Variants in WASHC2A observed in about 807,000 individuals in gnomAD.
WASHC2A encodes the protein WASH complex subunit 2A.
In WASHC2A, 82 loss-of-function variants were observed where a neutral mutation model predicts 140.3. The ratio of observed to expected loss-of-function variants is 0.58; its 90% CI spans 0.49 to 0.70. The LOEUF (loss-of-function observed/expected upper bound fraction) is 0.70, where lower values mean the gene tolerates loss of function less well. WASHC2A is among the 30% of genes least tolerant of loss of function. The probability of loss-of-function intolerance (pLI) is 0.00; values close to 1 mark genes in which losing one functional copy is unlikely to be tolerated. For missense variants in WASHC2A, 985 were observed against 1,521.8 expected (o/e 0.65, Z 5.87); for synonymous variants, 340 against 560.8 (o/e 0.61, Z 5.56).
intron 3 of WASHC2A, among the ~76,000 whole-genome samples, chr10:50,073,178 A>G (rs1288295308): frequency 1.3e-5 from 2 of 152,184 alleles, no homozygotes; most frequent in Admixed American, 6.5e-5. Flanking sequence ...TGGATCCTGA[A>G]ATAGCAAGTG....
intron 25 of WASHC2A, 116 bp downstream of exon 25, chr10:50,125,565 A>G: frequency 3.7e-6 from 6 of 1,603,000 alleles, no homozygotes; most frequent in Non-Finnish European, 5.1e-6. Context: ...CTTCCTACTA[A>G]ATGAATGGCA....
In WASHC2A at chr10:50,127,298, G is replaced by C. The variant is rs1392369028; in HGVS notation, c.2874+76G>C. The C allele has an allele frequency of 8.7e-6, 14 of 1,611,074 alleles. No homozygotes were observed. The African/African-American group carries it at 1.2e-4, about 14-fold the overall frequency. ...TTTTTTGGGTTTCCTACTTTTGTCA[G>C]CTGCTGCCAAGCATCTTCTCATCTC... On this transcript the variant is annotated intron_variant, in intron 27 of 30. Transcript: ENST00000282633.
At chr10:50,083,548 T>C (rs1839097266) in intron 5 of WASHC2A, among the ~76,000 whole-genome samples, 1 of 119,250 alleles carries the variant, frequency 8.4e-6, no homozygotes, top group Non-Finnish European at 1.7e-5. Context: ...AGCTTTACTT[T>C]GGTATCTTTT....
At chr10:50,109,672 T>G (rs1842100291) in intron 19 of WASHC2A, among the ~76,000 whole-genome samples, 2 of 152,218 alleles carry the variant, frequency 1.3e-5, no homozygotes, top group Non-Finnish European at 2.9e-5. Flanking sequence ...TCTTCAAGAC[T>G]GATGCACTAA....
chr10:50,088,956 TCC>T (rs1839627177), intron 8 of WASHC2A, among the ~76,000 whole-genome samples: 1 of 95,606 alleles, frequency 1.0e-5, no homozygotes, highest in Non-Finnish European at 2.3e-5. Flanking sequence ...AGTTTTTCTT[TCC>T]TTTTTTTTTT....
chr10:50,092,793 G>A (rs1481491839), intron 11 of WASHC2A, among the ~76,000 whole-genome samples: 4 of 152,064 alleles, frequency 2.6e-5, no homozygotes, highest in Non-Finnish European at 4.4e-5. Context: ...ATTCTTAGAA[G>A]TATAGAAACT....
intron 17 of WASHC2A, among the ~76,000 whole-genome samples, chr10:50,100,298 A>G (rs1231451132): frequency 3.9e-5 from 6 of 151,976 alleles, no homozygotes; most frequent in African/African-American, 1.4e-4. Flanking sequence ...GCTGGCCAAC[A>G]TGATGAAACC....
chr10:50,129,569 C>T lies in WASHC2A; in HGVS notation c.3238C>T (p.Arg1080Trp), dbSNP rs953564998. The change falls in exon 29 of 31, where the codon CGG (arginine) becomes TGG (tryptophan). Residue 1080 changes from arginine (R) to tryptophan (W), a missense_variant. Arg to Trp is a moderately radical substitution (Grantham distance 101, BLOSUM62 -3). Coordinates refer to ENST00000282633, the MANE Select transcript of WASHC2A (RefSeq NM_001005751.3). ...TGGCGCCATTTCCCCAAATGGCCAT[C>T]GGCCACAGCTCAGAGCAGCCAGTGG... ...ADGAISPNGH[R>W]PQLRAASGED... The T allele has an allele frequency of 1.2e-5, 20 of 1,611,856 alleles. No individual in the cohort carries two copies. Among genetic ancestry groups the T allele is most frequent in the African/African-American group, 9.4e-5 (7 of 74,842 alleles).
At chr10:50,110,321 A>T (rs1301918270) in intron 20 of WASHC2A, 51 bp downstream of exon 20, 5 of 1,606,042 alleles carry the variant, frequency 3.1e-6, no homozygotes, top group Non-Finnish European at 4.3e-6. Flanking sequence ...TGGTAACAAG[A>T]AAAGGAATCT....
Position 50,093,952 on chromosome 10 carries a change from C to T in WASHC2A, c.1180+35C>T, listed in dbSNP as rs556658893. ...GGCTGGGCAGCTGCGTCTCCGTGTG[C>T]AGAGTTCCAAAACTGTCTTTCTCAC... On this transcript the variant is annotated intron_variant, in intron 13 of 30. Transcript: ENST00000282633. 6.5e-5 allele frequency: 99 copies of T among 1,515,918 alleles called. No individual in the cohort carries two copies. In the South Asian group the frequency reaches 1.1e-3, roughly 17 times the overall value. The allele number at this position is 1,515,918 out of a possible 1,614,324, so 93.9% of individuals were successfully genotyped here. A position where few individuals can be genotyped will look rare whatever the true frequency, so the allele number is the denominator to read the frequency against.
chr10:50,124,926 C>T (rs200859624), intron 23 of WASHC2A, among the ~76,000 whole-genome samples, 187 bp from the exon 24 acceptor site: 46,434 of 148,444 alleles, frequency 0.31, 8,334 homozygotes, highest in Non-Finnish European at 0.41. Flanking sequence ...TTTTTGGAAG[C>T]GCCATAGCAT....
chr10:50,125,947 T>G (rs1843390468), intron 25 of WASHC2A, 110 bp from the exon 26 acceptor site: 3 of 1,385,782 alleles, frequency 2.2e-6, no homozygotes, highest in Non-Finnish European at 9.9e-7. Flanking sequence ...AGCCCTCATT[T>G]GAGAAAGTAT....
intron 23 of WASHC2A, among the ~76,000 whole-genome samples, chr10:50,120,584 C>T (rs1384758039): frequency 1.8e-5 from 2 of 108,268 alleles, no homozygotes; most frequent in Non-Finnish European, 3.6e-5. Context: ...CGCACCACTG[C>T]ACTCCAGTGT....
chr10:50,071,597 G>A lies in WASHC2A; in HGVS notation c.291+1886G>A, dbSNP rs541629173. ...TGGGATTACAGGCCTGAGCCACGGC[G>A]CCCGGCAAGGGAAGTTTACTTTGTA... On this transcript the variant is annotated intron_variant, in intron 3 of 30. Transcript: ENST00000282633. Among the ~76,000 whole-genome samples the A allele has an allele frequency of 6.7e-4, 102 of 151,140 alleles. 1 individual carries two copies. The highest frequency in any genetic ancestry group is 2.4e-3 in the African/African-American group (98 of 40,904).
At chr10:50,074,926 T>TA (rs1554877313) in intron 3 of WASHC2A, among the ~76,000 whole-genome samples, 8 of 150,408 alleles carry the variant, frequency 5.3e-5, no homozygotes, top group Non-Finnish European at 7.4e-5. Flanking sequence ...AAAAAAATAA[T>TA]AATAAATAAA....
At chr10:50,101,263 C>G (rs1240930842) in intron 17 of WASHC2A, among the ~76,000 whole-genome samples, 2 of 152,310 alleles carry the variant, frequency 1.3e-5, no homozygotes, top group African/African-American at 4.8e-5. Context: ...ATGTGTCACC[C>G]ACACCTGCAC....
chr10:50,078,446 A>G (rs1234470191), intron 3 of WASHC2A, among the ~76,000 whole-genome samples: 9 of 152,000 alleles, frequency 5.9e-5, no homozygotes, highest in Middle Eastern at 3.4e-3. Flanking sequence ...CATGTTTCCT[A>G]GTCATTTGTA....
Position 50,131,098 on chromosome 10 carries a change from T to G in WASHC2A, c.3886+20T>G. 1.2e-5 allele frequency: 19 copies of G among 1,611,998 alleles called. 1 individual carries two copies. The highest frequency in any genetic ancestry group is 1.6e-5 in the Non-Finnish European group (19 of 1,179,820). On this transcript the variant is annotated intron_variant, in intron 30 of 30. Transcript: ENST00000282633. ...ATATGGGTAAGTTTGGTTTTCTACATCTGACCTAGAGAATTCTTACCTTTC... is the reference window on the plus strand; with the variant it reads ...ATATGGGTAAGTTTGGTTTTCTACAGCTGACCTAGAGAATTCTTACCTTTC...
intron 17 of WASHC2A, among the ~76,000 whole-genome samples, chr10:50,103,473 T>C (rs2132749069): frequency 1.3e-5 from 2 of 152,056 alleles, no homozygotes; most frequent in East Asian, 3.9e-4. Context: ...GGCAGGAGAA[T>C]GGCGTGAATC....
Sources: gnomAD v4.1 joint callset for allele counts (sites outside exome capture counted in the v4.1 genomes callset) on GRCh38, gnomAD v4.1.1 for gene constraint, MANE v1.5 for transcripts, NCBI Gene and HGNC (gene_info 2026-07-23, HGNC 2026-07-21) for gene names.